The following MXRA5 variants were observed in gnomAD, a reference collection of about 807,000 sequenced individuals.
MXRA5 encodes matrix remodeling associated 5.
In MXRA5, 41 loss-of-function variants were observed where a neutral mutation model predicts 112.5. That is an observed-to-expected ratio of 0.36 (90% CI 0.28 to 0.47). The LOEUF is 0.47. Among genes scored for constraint, MXRA5 ranks in the 20% least tolerant of loss-of-function variants. The pLI, the probability that MXRA5 is intolerant of heterozygous loss-of-function variation, is 0.99. For synonymous variants in MXRA5, 862 were observed against 900.8 expected (o/e 0.96, Z 0.77); for missense variants, 2,150 against 2,251.0 (o/e 0.96, Z 0.91).
In MXRA5 at chrX:3,324,921, A is replaced by G; in HGVS notation, c.764T>C (p.Met255Thr). Residue 255 changes from methionine (M) to threonine (T), a missense_variant, in exon 5 of 7, where the codon ATG becomes ACG. Physicochemically the swap from Met to Thr is moderately conservative, Grantham distance 81. Around this residue, in one of 6 missense-constraint regions of MXRA5, gnomAD observed 386 missense variants for 411.0 expected, o/e 0.94. Transcript: ENST00000217939. ...GTACAACTTCTTTGGACTGAAGCAC[A>G]TTGCACACAACTGACCGCCTTCATA... The part of the protein sequence containing the change: ...KAYEGGQLCA[M>T]CFSPKKLYKH... The G allele has an allele frequency of 1.7e-6, 2 of 1,205,782 alleles. No homozygotes were observed. Among genetic ancestry groups the G allele is most frequent in the Non-Finnish European group, 2.2e-6 (2 of 893,416 alleles).
intron 6 of MXRA5, among the ~76,000 whole-genome samples, chrX:3,314,631 T>C (rs1921045038): frequency 9.0e-6 from 1 of 110,656 alleles, no homozygotes; most frequent in African/African-American, 3.3e-5. Context: ...TAGACCAACA[T>C]TTTCATACTA....
chrX:3,340,862 C>A (rs1011205721), intron 2 of MXRA5, among the ~76,000 whole-genome samples: 52 of 101,705 alleles, frequency 5.1e-4, no homozygotes, highest in Non-Finnish European at 7.5e-4. Context: ...AGGGTGCATG[C>A]AGGGACTGTC....
chrX:3,318,040 T>C (rs1569182274), intron 5 of MXRA5, 37 bp from the exon 6 acceptor site: 2 of 1,095,312 alleles, frequency 1.8e-6, no homozygotes, highest in Admixed American at 2.6e-5. Context: ...TGGCATAAAC[T>C]GTGCCCTTTT....
intron 4 of MXRA5, among the ~76,000 whole-genome samples, chrX:3,325,675 A>G (rs1921442620): frequency 9.7e-6 from 1 of 103,177 alleles, no homozygotes; most frequent in Non-Finnish European, 2.0e-5. Flanking sequence ...TAATATGTAA[A>G]TTAAATATGG....
chrX:3,317,553 G>T lies in MXRA5; in HGVS notation c.6128C>A (p.Ala2043Glu). 1 of 1,209,218 alleles carries T rather than the reference G, an allele frequency of 8.3e-7. No individual in the cohort carries two copies. The highest frequency in any genetic ancestry group is 3.0e-5 in the East Asian group (1 of 33,788). The change falls in exon 6 of 7, where the codon GCG (alanine) becomes GAG (glutamate). Residue 2043 changes from alanine (A) to glutamate (E), a missense_variant. Ala to Glu is a moderately radical substitution (Grantham distance 107, BLOSUM62 -1). This residue lies in a region of MXRA5 where 1,485 missense variants were observed against 1,471.6 expected (regional missense o/e 1.01). Coordinates refer to ENST00000217939, the MANE Select transcript of MXRA5 (RefSeq NM_015419.4). ...ADSLAIRLHV[A>E]ALPPVIHQEK... ...CTGGTGGATAACGGGGGGCAGTGCC[G>T]CCACGTGCAGGCGGATGGCCAGGCT... is the stretch of plus-strand genomic sequence containing the variant.
In MXRA5 at chrX:3,324,203, C is replaced by A; in HGVS notation, c.1482G>T (p.Gly494=). 2 of 1,211,631 alleles carry A rather than the reference C, an allele frequency of 1.7e-6. No individual in the cohort carries two copies. Among genetic ancestry groups the A allele is most frequent in the Non-Finnish European group, 2.2e-6 (2 of 895,466 alleles). ...CGTTGCAGCTCAACTGGCATGGACCCCCTTCCAGGACAGTCTGATCTCTTT... is the reference window on the plus strand; with the variant it reads ...CGTTGCAGCTCAACTGGCATGGACCACCTTCCAGGACAGTCTGATCTCTTT... The part of the protein sequence containing the change: ...AVQRDQTVLE[G]GPCQLSCNVK... The change falls in exon 5 of 7, where the codon GGG becomes GGT. Residue 494 remains glycine (G), a synonymous_variant. Coordinates refer to ENST00000217939, the MANE Select transcript of MXRA5 (RefSeq NM_015419.4).
chrX:3,325,841 T>TAAATAAATATATAATAATA (rs1389692056), intron 4 of MXRA5, among the ~76,000 whole-genome samples: 1 of 88,729 alleles, frequency 1.1e-5, no homozygotes, highest in Non-Finnish European at 2.1e-5. Flanking sequence ...AATATATTTA[T>TAAATAAATATATAATAATA]TCATAAATAA....
intron 1 of MXRA5, among the ~76,000 whole-genome samples, chrX:3,344,157 CGA>C (rs377198782): frequency 0.031 from 2,924 of 95,452 alleles, 37 homozygotes; most frequent in Middle Eastern, 0.043. Context: ...CAGAGAGAGA[CGA>C]GAGAGAGAGA....
chrX:3,324,662 A>AATGGATG lies in MXRA5; in HGVS notation c.1022_1023insCATCCAT (p.Val342IlefsTer17). ...TTTGGTTCAAGTGAATCTTGTACAC[A>AATGGATG]TCCATTGGTTTCTTGATGTCACAGA... On this transcript the variant is annotated frameshift_variant, in exon 5 of 7. Transcript: ENST00000217939. LOFTEE classifies it high-confidence loss of function. The AATGGATG allele has an allele frequency of 8.3e-7, 1 of 1,209,014 alleles. No individual in the cohort carries two copies. Among genetic ancestry groups the AATGGATG allele is most frequent in the Non-Finnish European group, 1.1e-6 (1 of 894,418 alleles).
At position 3,310,472 on chromosome X, in the gene MXRA5, G is replaced by C; in HGVS notation, c.7731C>G (p.Val2577=). ...TCTGCAGATCGGTGCCATTGGGAAG[G>C]ACCCACACCAGGCTGGGTGTCGGGG... ...AGTPTPSLVW[V]LPNGTDLQSG... is the part of the protein sequence containing the mutation. Residue 2577 remains valine, a synonymous_variant, in exon 7 of 7, where the codon GTC becomes GTG. Coordinates refer to ENST00000217939, the MANE Select transcript of MXRA5 (RefSeq NM_015419.4). 1 of 1,205,203 alleles carries C rather than the reference G, an allele frequency of 8.3e-7. No individual in the cohort carries two copies. The highest frequency in any genetic ancestry group is 1.1e-6 in the Non-Finnish European group (1 of 892,607).
At position 3,345,322 on chromosome X, in the gene MXRA5, C is replaced by A. The variant is rs975955875; in HGVS notation, c.-29+1193G>T. 1.2e-4 allele frequency among the ~76,000 whole-genome samples: 13 copies of A among 112,798 alleles called. 1 individual carries two copies. The highest frequency in any genetic ancestry group is 8.4e-4 in the Admixed American group (9 of 10,763). On this transcript the variant is annotated intron_variant, in intron 1 of 6. Coordinates refer to ENST00000217939, the MANE Select transcript of MXRA5 (RefSeq NM_015419.4). ...TGCAAAAAAGCAAGTCCGGGCTCCG[C>A]CTCTGGGCGCTGGAACAAACCGGCT...
At chrX:3,341,529 AT>A (rs1921971073) in intron 2 of MXRA5, among the ~76,000 whole-genome samples, 1 of 28,707 alleles carries the variant, frequency 3.5e-5, no homozygotes, top group Non-Finnish European at 4.6e-5. Context: ...TATAATATAT[AT>A]TATTATTATA....
intron 2 of MXRA5, among the ~76,000 whole-genome samples, chrX:3,341,124 C>CATAATATATTATAATATATT (rs1569188389): frequency 1.9e-5 from 1 of 51,479 alleles, no homozygotes; most frequent in African/African-American, 7.6e-5. Context: ...ATATATTATA[C>CATAATATATTATAATATATT]ATAATATATT....
At chrX:3,315,381 G>A (rs1921079042) in intron 6 of MXRA5, among the ~76,000 whole-genome samples, 13 of 37,432 alleles carry the variant, frequency 3.5e-4, no homozygotes, top group Middle Eastern at 0.014. Flanking sequence ...AGAATAGATA[G>A]ATAGATAGAT....
intron 2 of MXRA5, among the ~76,000 whole-genome samples, chrX:3,332,469 C>T (rs1221456345): frequency 9.0e-6 from 1 of 111,642 alleles, no homozygotes; most frequent in Non-Finnish European, 1.9e-5. Flanking sequence ...TGGTCTCGAT[C>T]TCCTGACCTC....
At chrX:3,330,550 T>G in intron 3 of MXRA5, 94 bp downstream of exon 3, 2 of 1,138,054 alleles carry the variant, frequency 1.8e-6, no homozygotes, top group South Asian at 4.2e-5. Context: ...ATAGCCGTTT[T>G]ATTGATCATT....
chrX:3,340,159 T>C (rs1214082107), intron 2 of MXRA5, among the ~76,000 whole-genome samples: 1 of 111,914 alleles, frequency 8.9e-6, no homozygotes. Context: ...GCTTTTAGTT[T>C]GTCCAAGCAG....
chrX:3,326,407 GTATC>G (rs2146925725), intron 4 of MXRA5, among the ~76,000 whole-genome samples: 1 of 98,561 alleles, frequency 1.0e-5, no homozygotes, highest in Admixed American at 1.2e-4. Flanking sequence ...TAATCAATAT[GTATC>G]TAGGGACTAT....
At position 3,330,659 on chromosome X, in the gene MXRA5, G is replaced by T. The variant is rs1921642405; in HGVS notation, c.303C>A (p.Asp101Glu). 1 of 1,205,632 alleles carries T rather than the reference G, an allele frequency of 8.3e-7. No individual in the cohort carries two copies. The highest frequency in any genetic ancestry group is 1.1e-6 in the Non-Finnish European group (1 of 892,958). ...GTGGGTTTACCTGAAGAGAGCTGAG[G>T]TCTCTTAAAGCTCCATCGGGGATGC... Reference protein sequence around the residue: ...IPSIPDGALRDLSSLQVFKFS... With the variant: ...IPSIPDGALRELSSLQVFKFS... The change falls in exon 3 of 7, where the codon GAC (aspartate) becomes GAA (glutamate). Residue 101 changes from aspartate (D) to glutamate (E), a missense_variant. By Grantham distance (45) the Asp-to-Glu change is conservative. Around this residue, in one of 6 missense-constraint regions of MXRA5, gnomAD observed 386 missense variants for 411.0 expected, o/e 0.94. Transcript: ENST00000217939.
Sources: allele counts gnomAD v4.1 joint callset (sites outside exome capture counted in the v4.1 genomes callset), GRCh38; gene constraint gnomAD v4.1.1; regional missense constraint gnomAD v4.1.1; transcripts MANE v1.5; gene names NCBI Gene and HGNC (gene_info 2026-07-23, HGNC 2026-07-21).